LYRM1: variants seen among roughly 807,000 people sequenced by gnomAD.
LYRM1 encodes LYR motif containing 1.
LYRM1 carries 14 observed loss-of-function variants against 14.9 expected under a neutral mutation model. The observed-to-expected ratio is 0.94, with a 90% CI of 0.62 to 1.47. The LOEUF is 1.47. Ranked by LOEUF, LYRM1 falls within the 40% of genes most tolerant of loss-of-function variation. The probability of loss-of-function intolerance (pLI) is 0.00; values close to 1 mark genes in which losing one functional copy is unlikely to be tolerated. For missense variants in LYRM1, 153 were observed against 149.9 expected (o/e 1.02, Z -0.11); for synonymous variants, 43 against 56.2 (o/e 0.77, Z 1.05).
At chr16:20,904,943 T>G (rs1480810734) in intron 1 of LYRM1, among the ~76,000 whole-genome samples, 2 of 152,180 alleles carry the variant, frequency 1.3e-5, no homozygotes, top group Non-Finnish European at 2.9e-5. Context: ...ACCTGCATTA[T>G]ATTTCCAGTA....
Position 20,924,057 on chromosome 16 carries a change from G to T in LYRM1, c.310G>T (p.Glu104Ter). 6.2e-7 allele frequency: 1 copy of T among 1,613,768 alleles called. No homozygotes were observed. The highest frequency in any genetic ancestry group is 1.1e-5 in the South Asian group (1 of 91,034). Residue 104 changes from glutamate (E) to a stop codon, truncating the protein, a stop_gained, in exon 4 of 4, where the codon GAG becomes TAG. Transcript: ENST00000567954. LOFTEE classifies it high-confidence loss of function. ...CCGAGGCCGGGGACTTCGAAGCCAA[G>T]AGAAACTGAGGAAACTTTCCAAACC... ...PLRGRGLRSQEKLRKLSKPVY... is the reference protein window; with the variant it reads ...PLRGRGLRSQ
chr16:20,913,069 A>AATAAT (rs2082679921), intron 1 of LYRM1, among the ~76,000 whole-genome samples: 9 of 145,056 alleles, frequency 6.2e-5, no homozygotes, highest in Non-Finnish European at 1.4e-4. Context: ...TCTGTCTCAA[A>AATAAT]AATAATAATA....
At chr16:20,923,914 A>G (rs773208273) in intron 3 of LYRM1, 86 bp from the exon 4 acceptor site, 35 of 718,754 alleles carry the variant, frequency 4.9e-5, no homozygotes, top group Non-Finnish European at 7.5e-5. Flanking sequence ...AGCAGAGAAT[A>G]TGGTACTTTC....
intron 2 of LYRM1, among the ~76,000 whole-genome samples, chr16:20,918,387 G>C (rs867398433): frequency 4.6e-5 from 7 of 152,264 alleles, no homozygotes; most frequent in Non-Finnish European, 7.4e-5. Flanking sequence ...GGGCGGAAGA[G>C]GTACATGGGT....
intron 1 of LYRM1, among the ~76,000 whole-genome samples, chr16:20,908,409 A>G (rs2082427080): frequency 6.6e-6 from 1 of 152,212 alleles, no homozygotes; most frequent in Non-Finnish European, 1.5e-5. Flanking sequence ...TTGAGATTGA[A>G]CAGTGTATTT....
In LYRM1 at chr16:20,924,275, A is replaced by G. The variant is rs1336212676; in HGVS notation, c.*159A>G. ...GTGATGTAAACTTAGATATCCCTAG[A>G]GTTTCTCAGCATCTTTCTTCCTGAG... is the stretch of plus-strand genomic sequence containing the variant. On this transcript the variant is annotated 3_prime_UTR_variant, in exon 4 of 4. Coordinates refer to ENST00000567954, the MANE Select transcript of LYRM1 (RefSeq NM_001128302.3). 1 of 578,452 alleles carries G rather than the reference A, an allele frequency of 1.7e-6. No homozygotes were observed. The highest frequency in any genetic ancestry group is 3.1e-6 in the Non-Finnish European group (1 of 322,762). The allele number at this position is 578,452 out of a possible 1,614,324, so 35.8% of individuals were successfully genotyped here. A position where few individuals can be genotyped will look rare whatever the true frequency, so the allele number is the denominator to read the frequency against.
intron 3 of LYRM1, among the ~76,000 whole-genome samples, chr16:20,923,498 C>A (rs1481220970): frequency 8.3e-3 from 911 of 110,118 alleles, no homozygotes; most frequent in Middle Eastern, 0.011. Context: ...AACTGTGTCT[C>A]AAAAAAAAAA....
In LYRM1 at chr16:20,920,089, CTA is replaced by C. The variant is rs773323882; in HGVS notation, c.160-31_160-30del. 2.1e-6 allele frequency: 3 copies of C among 1,439,540 alleles called. 1 individual carries two copies. The South Asian group carries it at 3.5e-5, about 17-fold the overall frequency. 89.2% of individuals were successfully genotyped at this position (1,439,540 alleles called of 1,614,324 possible). A position where few individuals can be genotyped will look rare whatever the true frequency, so the allele number is the denominator to read the frequency against. Reference sequence around the variant, plus strand: ...TACTCTATGTACCATTAGAAAGATACTATCAGCCTCATTTCTTTCTCCCTTTT... The same window carrying C: ...TACTCTATGTACCATTAGAAAGATACTCAGCCTCATTTCTTTCTCCCTTTT... On this transcript the variant is annotated intron_variant, in intron 2 of 3. Coordinates refer to ENST00000567954, the MANE Select transcript of LYRM1 (RefSeq NM_001128302.3).
At chr16:20,917,175 G>A (rs1448323098) in intron 2 of LYRM1, among the ~76,000 whole-genome samples, 1 of 151,782 alleles carries the variant, frequency 6.6e-6, no homozygotes, top group African/African-American at 2.4e-5. Context: ...TCTCTACCCT[G>A]CTGACCTTCC....
chr16:20,908,646 T>C (rs1322948111), intron 1 of LYRM1, among the ~76,000 whole-genome samples: 1 of 152,174 alleles, frequency 6.6e-6, no homozygotes. Flanking sequence ...CTTACTGTAA[T>C]GAACAAGATA....
intron 1 of LYRM1, among the ~76,000 whole-genome samples, chr16:20,908,881 C>T (rs1290225910): frequency 6.6e-6 from 1 of 152,220 alleles, no homozygotes; most frequent in Non-Finnish European, 1.5e-5. Context: ...GGCAAGGCAC[C>T]TTAGAGCAGT....
intron 1 of LYRM1, among the ~76,000 whole-genome samples, chr16:20,907,174 GAT>G (rs1267957477): frequency 6.6e-6 from 1 of 150,892 alleles, no homozygotes; most frequent in African/African-American, 2.5e-5. Context: ...ACAGTAGTTT[GAT>G]ATACAGTGTA....
In LYRM1 at chr16:20,924,600, G is replaced by C. The variant is rs1196769462; in HGVS notation, c.*484G>C. The C allele has an allele frequency of 6.6e-6, 1 of 151,864 alleles. No individual in the cohort carries two copies. Among genetic ancestry groups the C allele is most frequent in the Non-Finnish European group, 1.5e-5 (1 of 68,088 alleles). The allele number at this position is 151,864 out of a possible 1,614,324, so 9.4% of individuals were successfully genotyped here. On this transcript the variant is annotated 3_prime_UTR_variant, in exon 4 of 4. Transcript: ENST00000567954. ...TTTTTGTTGTCTTTTGACCCTTCCA[G>C]TTTCCAGACAAACTTGTCTTAAAAA...
chr16:20,907,431 G>A (rs577188853), intron 1 of LYRM1, among the ~76,000 whole-genome samples: 5 of 152,300 alleles, frequency 3.3e-5, no homozygotes, highest in African/African-American at 1.2e-4. Flanking sequence ...CGTGATCATA[G>A]CTCACTGCAG....
intron 1 of LYRM1, among the ~76,000 whole-genome samples, chr16:20,905,801 C>T (rs1366862317): frequency 6.6e-6 from 1 of 152,154 alleles, no homozygotes; most frequent in Non-Finnish European, 1.5e-5. Context: ...GAGGATTCCT[C>T]CCCAAGTAAC....
In LYRM1 at chr16:20,915,607, AG is replaced by A; in HGVS notation, c.54del (p.Arg18SerfsTer24). The part of the protein sequence containing the change: ...EVLGLYRSIF[R>X]LARKWQATSG... Reference sequence around the variant, plus strand: ...CCTTGGCCTCTACCGCAGCATTTTCAGGCTTGCGAGGAAATGGCAGGCGACA... The same window carrying A: ...CCTTGGCCTCTACCGCAGCATTTTCAGCTTGCGAGGAAATGGCAGGCGACA... On this transcript the variant is annotated frameshift_variant, in exon 2 of 4. Transcript: ENST00000567954. LOFTEE classifies it high-confidence loss of function. The A allele has an allele frequency of 6.2e-7, 1 of 1,614,130 alleles. No homozygotes were observed. The highest frequency in any genetic ancestry group is 1.1e-5 in the South Asian group (1 of 91,082).
In LYRM1 at chr16:20,902,262, C is replaced by G. The variant is rs542662491; in HGVS notation, c.-1+1373C>G. ...CCAAGGTTAACTCCCTACGGGAAAA[C>G]AGTTTAGAAAGGAATATCGAAAGTT... On this transcript the variant is annotated intron_variant, in intron 1 of 3. Transcript: ENST00000567954. Among the ~76,000 whole-genome samples, 17 of 152,270 alleles carry G rather than the reference C, an allele frequency of 1.1e-4. 1 individual carries two copies. In the South Asian group the frequency reaches 3.1e-3, roughly 28 times the overall value.
At chr16:20,922,899 G>A (rs1444398576) in intron 3 of LYRM1, among the ~76,000 whole-genome samples, 1 of 152,162 alleles carries the variant, frequency 6.6e-6, no homozygotes, top group Non-Finnish European at 1.5e-5. Context: ...GTATTACTCA[G>A]TTTGAGTCCA....
chr16:20,919,125 T>C (rs1010843953), intron 2 of LYRM1, among the ~76,000 whole-genome samples: 4 of 152,242 alleles, frequency 2.6e-5, no homozygotes, highest in Non-Finnish European at 5.9e-5. Context: ...TGGCTGTTTT[T>C]CAGAATGAAC....
Sources: allele counts gnomAD v4.1 joint callset (sites outside exome capture counted in the v4.1 genomes callset), GRCh38; gene constraint gnomAD v4.1.1; transcripts MANE v1.5; gene names NCBI Gene and HGNC (gene_info 2026-07-23, HGNC 2026-07-21).